The following GOLM1 variants were observed in gnomAD, a reference collection of about 807,000 sequenced individuals.
GOLM1 encodes the protein epididymis luminal protein 46.
In GOLM1, 31 loss-of-function variants were observed where a neutral mutation model predicts 50.5. The observed-to-expected ratio is 0.61, with a 90% confidence interval of 0.46 to 0.83. The LOEUF (loss-of-function observed/expected upper bound fraction) is 0.83. Among genes scored for constraint, GOLM1 ranks in the 40% least tolerant of loss-of-function variants. The pLI is 0.00. For synonymous variants in GOLM1, 178 were observed against 192.8 expected (o/e 0.92, Z 0.64); for missense variants, 491 against 501.3 (o/e 0.98, Z 0.20).
At chr9:86,030,514 C>T (rs1190934535) in intron 9 of GOLM1, among the ~76,000 whole-genome samples, 1 of 152,146 alleles carries the variant, frequency 6.6e-6, no homozygotes, top group Non-Finnish European at 1.5e-5. Context: ...GTTGAAAAAT[C>T]AGACAAGCAC....
intron 3 of GOLM1, among the ~76,000 whole-genome samples, chr9:86,053,688 A>AC (rs1833891439): frequency 7.9e-6 from 1 of 125,986 alleles, no homozygotes; most frequent in African/African-American, 2.8e-5. Flanking sequence ...CACTCCACAC[A>AC]CACCACACAC....
chr9:86,069,353 TCTA>T (rs1423979912), intron 3 of GOLM1, among the ~76,000 whole-genome samples: 1 of 152,204 alleles, frequency 6.6e-6, no homozygotes, highest in Non-Finnish European at 1.5e-5. Context: ...GTGTGGTGCT[TCTA>T]CTAAGTTACA....
chr9:86,047,861 T>A (rs1031632264), intron 4 of GOLM1, among the ~76,000 whole-genome samples: 17 of 152,144 alleles, frequency 1.1e-4, no homozygotes, highest in African/African-American at 3.9e-4. Context: ...ATTCCATCTG[T>A]ATGCATGTAC....
rs539802579 is a variant in GOLM1, at chr9:86,046,580, A to G, written c.365-8T>C. On this transcript the variant is annotated splice_region_variant and splice_polypyrimidine_tract_variant and intron_variant, in intron 4 of 9. Coordinates refer to ENST00000388712, the MANE Select transcript of GOLM1 (RefSeq NM_016548.4). ...GCAGGGTCTTTAACTGGTCTACACCAAGGGGACAAGGAATTGCACAGGTCA... is the reference window on the plus strand; with the variant it reads ...GCAGGGTCTTTAACTGGTCTACACCGAGGGGACAAGGAATTGCACAGGTCA... 6.4e-7 allele frequency: 1 copy of G among 1,566,998 alleles called. No homozygotes were observed. Among genetic ancestry groups the G allele is most frequent in the Admixed American group, 1.7e-5 (1 of 58,686 alleles).
At chr9:86,064,822 G>A (rs1834260828) in intron 3 of GOLM1, among the ~76,000 whole-genome samples, 2 of 152,202 alleles carry the variant, frequency 1.3e-5, no homozygotes. Flanking sequence ...GCCTGGTGGG[G>A]GATGCAGCAG....
At chr9:86,035,346 GC>G in intron 8 of GOLM1, 21 bp downstream of exon 8, 1 of 1,608,480 alleles carries the variant, frequency 6.2e-7, no homozygotes, top group Non-Finnish European at 8.5e-7. Context: ...GTCCACAGCG[GC>G]CCCCGAAACT....
intron 2 of GOLM1, among the ~76,000 whole-genome samples, chr9:86,078,311 G>A (rs1483072253): frequency 1.3e-5 from 2 of 152,134 alleles, no homozygotes; most frequent in African/African-American, 4.8e-5. Context: ...TATTCAAAAC[G>A]ATTGCAATAG....
chr9:86,052,138 G>A (rs945544755), intron 4 of GOLM1, among the ~76,000 whole-genome samples: 7 of 152,094 alleles, frequency 4.6e-5, no homozygotes, highest in South Asian at 2.1e-4. Flanking sequence ...GAGTCAGAGC[G>A]GCAAAGAGGG....
rs35208119 is a variant in GOLM1 at position 86,082,025 on chromosome 9, CT to C, written c.-21-2685del. Among the ~76,000 whole-genome samples, 264 of 84,502 alleles carry C rather than the reference CT, an allele frequency of 3.1e-3. 1 individual carries two copies. The highest frequency in any genetic ancestry group is 3.8e-3 in the African/African-American group (80 of 20,912). 55.4% of individuals were successfully genotyped at this position (84,502 alleles called of 152,430 possible). A position where few individuals can be genotyped will look rare whatever the true frequency, so the allele number is the denominator to read the frequency against. On this transcript the variant is annotated intron_variant, in intron 1 of 9. Coordinates refer to ENST00000388712, the MANE Select transcript of GOLM1 (RefSeq NM_016548.4). ...AGGGGCATCAGCATCACCTGGGACA[CT>C]TTTTTTTTTTTTTTTTTTTTGAGAT...
chr9:86,052,163 C>T (rs1833774757), intron 4 of GOLM1, among the ~76,000 whole-genome samples: 1 of 152,140 alleles, frequency 6.6e-6, no homozygotes, highest in Non-Finnish European at 1.5e-5. Context: ...TTAAATTGGG[C>T]TGGACAGTTT....
chr9:86,091,370 T>C (rs1835179871), intron 1 of GOLM1, among the ~76,000 whole-genome samples: 1 of 152,196 alleles, frequency 6.6e-6, no homozygotes, highest in South Asian at 2.1e-4. Context: ...ATTTAAATTG[T>C]TCATCCATTT....
chr9:86,087,449 T>C (rs903703287), intron 1 of GOLM1, among the ~76,000 whole-genome samples: 24 of 152,194 alleles, frequency 1.6e-4, no homozygotes, highest in African/African-American at 5.3e-4. Context: ...TCTTGCTTGA[T>C]TGCCCTGGCC....
chr9:86,094,871 A>G (rs7865711), intron 1 of GOLM1, among the ~76,000 whole-genome samples: 36,758 of 152,060 alleles, frequency 0.24, 7,550 homozygotes, highest in African/African-American at 0.54. Flanking sequence ...ATCACCTGAG[A>G]TCGGGAGTTC....
At chr9:86,042,137 T>TG (rs1161511923) in intron 5 of GOLM1, among the ~76,000 whole-genome samples, 1 of 152,108 alleles carries the variant, frequency 6.6e-6, no homozygotes, top group East Asian at 1.9e-4. Flanking sequence ...AAACAAAACT[T>TG]GAACTGGAGG....
At chr9:86,033,963 ATCT>A (rs1453902852) in intron 8 of GOLM1, among the ~76,000 whole-genome samples, 1 of 150,476 alleles carries the variant, frequency 6.6e-6, no homozygotes, top group Non-Finnish European at 1.5e-5. Context: ...GGTAAACAAA[ATCT>A]TTTTTTTTTT....
chr9:86,038,819 C>T (rs952559415), intron 6 of GOLM1, among the ~76,000 whole-genome samples: 1 of 152,034 alleles, frequency 6.6e-6, no homozygotes, highest in South Asian at 2.1e-4. Flanking sequence ...CAGGCTTAAA[C>T]GTAAGAACTA....
chr9:86,051,464 T>G (rs1413293259), intron 4 of GOLM1, among the ~76,000 whole-genome samples: 1 of 152,090 alleles, frequency 6.6e-6, no homozygotes, highest in Non-Finnish European at 1.5e-5. Context: ...GACAGTGGGG[T>G]GTTAAAGTCT....
chr9:86,036,239 G>T, intron 7 of GOLM1, 109 bp downstream of exon 7: 1 of 1,109,184 alleles, frequency 9.0e-7, no homozygotes, highest in Non-Finnish European at 1.4e-6. Context: ...CCCTGCTCCT[G>T]GCTGCGCCGC....
intron 3 of GOLM1, among the ~76,000 whole-genome samples, chr9:86,069,465 G>A (rs1250988808): frequency 6.6e-6 from 1 of 152,158 alleles, no homozygotes; most frequent in South Asian, 2.1e-4. Context: ...GAAAGGAAAC[G>A]GAAATGGCAG....
Sources: allele counts gnomAD v4.1 joint callset (sites outside exome capture counted in the v4.1 genomes callset), GRCh38; gene constraint gnomAD v4.1.1; transcripts MANE v1.5; gene names NCBI Gene and HGNC (gene_info 2026-07-23, HGNC 2026-07-21).